ADAMTSL1: variants seen among roughly 807,000 people sequenced by gnomAD.
ADAMTSL1 encodes ADAMTS like 1.
In ADAMTSL1, 126 loss-of-function variants were observed where a neutral mutation model predicts 201.8. The observed-to-expected ratio is 0.62, with a 90% CI of 0.54 to 0.72. The LOEUF is 0.72. ADAMTSL1 is among the 30% of genes least tolerant of loss of function. ADAMTSL1 has a pLI of 0.00. For missense variants in ADAMTSL1, 2,679 were observed against 2,277.8 expected (o/e 1.18, Z -3.59); for synonymous variants, 1,121 against 903.4 (o/e 1.24, Z -4.32).
At chr9:18,238,472 G>A (rs1587374367) in intron 2 of ADAMTSL1, among the ~76,000 whole-genome samples, 1 of 152,194 alleles carries the variant, frequency 6.6e-6, no homozygotes, top group East Asian at 1.9e-4. Flanking sequence ...TCATAACTGG[G>A]TGCCAGTCTG....
At chr9:18,647,406 A>G (rs1827891495) in intron 7 of ADAMTSL1, among the ~76,000 whole-genome samples, 1 of 149,750 alleles carries the variant, frequency 6.7e-6, no homozygotes, top group African/African-American at 2.5e-5. Context: ...CTCTGATTTT[A>G]GTTATTTCTT....
chr9:17,945,827 GA>G (rs1388001188), intron 1 of ADAMTSL1, among the ~76,000 whole-genome samples: 1 of 95,966 alleles, frequency 1.0e-5, no homozygotes, highest in African/African-American at 4.2e-5. Context: ...GGGGTGGGGG[GA>G]GGGGGGAGGG....
intron 23 of ADAMTSL1, among the ~76,000 whole-genome samples, chr9:18,873,698 C>G (rs902251971): frequency 4.6e-5 from 7 of 152,034 alleles, no homozygotes; most frequent in African/African-American, 1.7e-4. Context: ...GTTTTGGTGA[C>G]TATGGCCTTA....
At chr9:18,867,394 A>G (rs1827600561) in intron 23 of ADAMTSL1, among the ~76,000 whole-genome samples, 1 of 152,236 alleles carries the variant, frequency 6.6e-6, no homozygotes, top group African/African-American at 2.4e-5. Flanking sequence ...CAAAGTATGT[A>G]AAAGCAATTG....
At chr9:18,296,111 G>A (rs960100269) in intron 2 of ADAMTSL1, among the ~76,000 whole-genome samples, 5 of 152,116 alleles carry the variant, frequency 3.3e-5, no homozygotes, top group Non-Finnish European at 7.4e-5. Context: ...AGGAAATAAA[G>A]GGACAAGTTA....
intron 2 of ADAMTSL1, among the ~76,000 whole-genome samples, chr9:18,421,266 A>G (rs1050145403): frequency 3.9e-5 from 6 of 152,206 alleles, no homozygotes; most frequent in African/African-American, 9.7e-5. Flanking sequence ...TAAATATAGT[A>G]TTGCATTTGA....
At chr9:18,300,358 A>G (rs1169626943) in intron 2 of ADAMTSL1, among the ~76,000 whole-genome samples, 1 of 151,928 alleles carries the variant, frequency 6.6e-6, no homozygotes, top group Non-Finnish European at 1.5e-5. Context: ...AACAATCATA[A>G]GGACAGAAAA....
intron 1 of ADAMTSL1, among the ~76,000 whole-genome samples, chr9:17,929,599 C>A (rs1480441966): frequency 2.0e-5 from 3 of 152,142 alleles, no homozygotes; most frequent in Non-Finnish European, 4.4e-5. Flanking sequence ...CCCTTCTTTT[C>A]TTTCAGTTCC....
At chr9:18,472,222 A>T (rs1821243490), upstream of ADAMTSL1, among the ~76,000 whole-genome samples, 2 of 152,256 alleles carry the variant, frequency 1.3e-5, no homozygotes, top group African/African-American at 4.8e-5. Flanking sequence ...TTTATGAATG[A>T]AAGTTTATTT....
chr9:18,486,489 A>T (rs1043476519), intron 1 of ADAMTSL1, among the ~76,000 whole-genome samples: 4 of 152,198 alleles, frequency 2.6e-5, no homozygotes, highest in Admixed American at 2.6e-4. Context: ...GGATCGCTTG[A>T]GCCCAGGAGT....
At chr9:18,030,527 T>C (rs1469546781) in intron 1 of ADAMTSL1, among the ~76,000 whole-genome samples, 1 of 152,028 alleles carries the variant, frequency 6.6e-6, no homozygotes, top group African/African-American at 2.4e-5. Context: ...ATTGTGCACA[T>C]GTACCCTAAA....
At chr9:18,273,175 G>C (rs927054883) in intron 2 of ADAMTSL1, among the ~76,000 whole-genome samples, 1 of 152,166 alleles carries the variant, frequency 6.6e-6, no homozygotes, top group African/African-American at 2.4e-5. Context: ...TCCCTCCCAG[G>C]TTCAAGTGAT....
intron 1 of ADAMTSL1, among the ~76,000 whole-genome samples, chr9:17,985,415 C>T (rs1225833675): frequency 6.6e-6 from 1 of 151,980 alleles, no homozygotes; most frequent in East Asian, 1.9e-4. Flanking sequence ...TGCTTCTCTT[C>T]TAACACATAA....
At position 18,573,679 on chromosome 9, in the gene ADAMTSL1, C is replaced by A. The variant is rs953526190; in HGVS notation, c.238-351C>A. ...ACTAATCCTCTGACTTTACTAGGTT[C>A]TACTTATGAGGAAGTCAAAATGATA... On this transcript the variant is annotated intron_variant, in intron 3 of 28. Transcript: ENST00000380548. Among the ~76,000 whole-genome samples, 6 of 152,152 alleles carry A rather than the reference C, an allele frequency of 3.9e-5. No homozygotes were observed. In the East Asian group the frequency reaches 9.6e-4, roughly 24 times the overall value.
chr9:18,394,199 G>C (rs1272086224), intron 2 of ADAMTSL1, among the ~76,000 whole-genome samples: 1 of 152,112 alleles, frequency 6.6e-6, no homozygotes, highest in Non-Finnish European at 1.5e-5. Flanking sequence ...AGAAACAATT[G>C]AATAGGCCAT....
At chr9:18,349,362 C>T (rs548682252) in intron 2 of ADAMTSL1, among the ~76,000 whole-genome samples, 11 of 152,294 alleles carry the variant, frequency 7.2e-5, no homozygotes, top group Admixed American at 4.6e-4. Flanking sequence ...ACGTAGGTAG[C>T]TGTGTAGCTC....
chr9:18,135,492 T>G (rs1417934228), intron 1 of ADAMTSL1, among the ~76,000 whole-genome samples: 2 of 152,104 alleles, frequency 1.3e-5, no homozygotes, highest in African/African-American at 4.8e-5. Context: ...TCCAGTTGTT[T>G]AACACATCAG....
At chr9:18,536,445 T>C (rs1367868860) in intron 3 of ADAMTSL1, among the ~76,000 whole-genome samples, 5 of 61,540 alleles carry the variant, frequency 8.1e-5, no homozygotes, top group Non-Finnish European at 1.8e-4. Flanking sequence ...CAGTTTCCCT[T>C]TTTTTTTTTT....
chr9:18,627,025 C>A (rs1216158062), intron 5 of ADAMTSL1, among the ~76,000 whole-genome samples: 1 of 150,372 alleles, frequency 6.7e-6, no homozygotes, highest in South Asian at 2.1e-4. Context: ...ACTGAGGCTT[C>A]AGTGCAGTGG....
Sources: allele counts gnomAD v4.1 joint callset (sites outside exome capture counted in the v4.1 genomes callset), GRCh38; gene constraint gnomAD v4.1.1; transcripts MANE v1.5; gene names NCBI Gene and HGNC (gene_info 2026-07-23, HGNC 2026-07-21).